The following EFCAB11 variants were observed in gnomAD, a reference collection of about 807,000 sequenced individuals.
EFCAB11 encodes the protein EF-hand calcium-binding domain-containing protein 11.
Under a neutral mutation model 23.0 loss-of-function variants are expected in EFCAB11, and 14 were observed. That is an observed-to-expected ratio of 0.61 (90% CI 0.40 to 0.95). The LOEUF is 0.95. Among genes scored for constraint, EFCAB11 ranks in the 40% least tolerant of loss-of-function variants. The pLI, the probability that EFCAB11 is intolerant of heterozygous loss-of-function variation, is 0.00. For missense variants in EFCAB11, 198 were observed against 195.8 expected, an observed-to-expected ratio of 1.01 and a Z score of -0.07; for synonymous variants, 65 against 66.6, an observed-to-expected ratio of 0.98 and a Z score of 0.11.
At chr14:89,861,602 C>T (rs1366150456) in intron 5 of EFCAB11, among the ~76,000 whole-genome samples, 1 of 152,110 alleles carries the variant, frequency 6.6e-6, no homozygotes, top group Non-Finnish European at 1.5e-5. Flanking sequence ...AAATGTGTCC[C>T]CCAAATTTCA....
At chr14:89,929,409 CAG>C (rs1476387565) in intron 5 of EFCAB11, among the ~76,000 whole-genome samples, 2 of 152,044 alleles carry the variant, frequency 1.3e-5, no homozygotes, top group Admixed American at 6.6e-5. Flanking sequence ...ATTTTTGAGA[CAG>C]AGTCTCACTC....
intron 5 of EFCAB11, among the ~76,000 whole-genome samples, chr14:89,819,686 C>T (rs1200145839): frequency 1.3e-5 from 2 of 152,278 alleles, no homozygotes; most frequent in East Asian, 3.9e-4. Flanking sequence ...ATCCTCCTGC[C>T]TTGATCTCCC....
chr14:89,869,261 T>C (rs1888193351), intron 5 of EFCAB11, among the ~76,000 whole-genome samples: 1 of 152,146 alleles, frequency 6.6e-6, no homozygotes, highest in Non-Finnish European at 1.5e-5. Context: ...CCTCACACTT[T>C]AAAAATGTTA....
At chr14:89,924,222 A>G (rs2281753) in intron 5 of EFCAB11, 128,995 of 987,754 alleles carry the variant, frequency 0.13, 9,829 homozygotes, top group South Asian at 0.31. Flanking sequence ...TAGATGTCCT[A>G]TGTCCTTTGA....
intron 3 of EFCAB11, among the ~76,000 whole-genome samples, chr14:89,943,707 G>A (rs1178555952): frequency 2.6e-5 from 4 of 152,204 alleles, no homozygotes; most frequent in Non-Finnish European, 4.4e-5. Flanking sequence ...AATTGGTTCA[G>A]TATTGAACAA....
intron 5 of EFCAB11, among the ~76,000 whole-genome samples, chr14:89,921,791 T>C (rs1398883294): frequency 6.6e-6 from 1 of 152,222 alleles, no homozygotes; most frequent in Admixed American, 6.5e-5. Context: ...AATCAAAACT[T>C]TGATGTAATT....
intron 5 of EFCAB11, among the ~76,000 whole-genome samples, chr14:89,843,430 T>C (rs186845683): frequency 6.6e-6 from 1 of 152,348 alleles, no homozygotes; most frequent in East Asian, 1.9e-4. Context: ...TAATAAATTA[T>C]AGCTAGATTC....
In EFCAB11 at chr14:89,953,838, G is replaced by T; in HGVS notation, c.171+68C>A. 3 of 1,334,398 alleles carry T rather than the reference G, an allele frequency of 2.2e-6. No homozygotes were observed. In the South Asian group the frequency reaches 3.7e-5, roughly 16 times the overall value. 82.7% of individuals were successfully genotyped at this position (1,334,398 alleles called of 1,614,324 possible). A position where few individuals can be genotyped will look rare whatever the true frequency, so the allele number is the denominator to read the frequency against. On this transcript the variant is annotated intron_variant, in intron 2 of 5. Transcript: ENST00000316738. ...TATAAACATCCTAAGCTAGCCCTGT[G>T]AACTTTTCTTAGGATCCATTCACCT...
rs778124647 is a variant in EFCAB11, at chr14:89,929,028, T to C, written c.410+2513A>G. On this transcript the variant is annotated intron_variant, in intron 5 of 5. Transcript: ENST00000316738. Reference sequence around the variant, plus strand: ...ATGGAAAGATGGACATATAAATACATACATATATATATATATACACACACA... The same window carrying C: ...ATGGAAAGATGGACATATAAATACACACATATATATATATATACACACACA... Among the ~76,000 whole-genome samples the C allele has an allele frequency of 4.9e-5, 6 of 122,170 alleles. 1 individual carries two copies. The Admixed American group carries it at 5.6e-4, about 11-fold the overall frequency. 80.1% of individuals were successfully genotyped at this position (122,170 alleles called of 152,430 possible). A position where few individuals can be genotyped will look rare whatever the true frequency, so the allele number is the denominator to read the frequency against.
chr14:89,909,986 T>C (rs1024789010), intron 5 of EFCAB11, among the ~76,000 whole-genome samples: 2 of 152,168 alleles, frequency 1.3e-5, no homozygotes, highest in African/African-American at 4.8e-5. Flanking sequence ...TTCTTCTCCA[T>C]AGTACTTTGT....
intron 5 of EFCAB11, among the ~76,000 whole-genome samples, chr14:89,916,218 A>G (rs990048128): frequency 1.3e-5 from 2 of 152,020 alleles, no homozygotes; most frequent in African/African-American, 4.8e-5. Flanking sequence ...GTCTATGAGA[A>G]GTACATCTAG....
In EFCAB11 at chr14:89,850,811, C is replaced by T. The variant is rs185434169; in HGVS notation, c.411-53487G>A. On this transcript the variant is annotated intron_variant, in intron 5 of 5. Coordinates refer to ENST00000316738, the MANE Select transcript of EFCAB11 (RefSeq NM_145231.4). ...AAGAGGAAGTTAATAGAGGATTTCA[C>T]GCTACATGGCCTCATTTATTATTAG... 1.1e-3 allele frequency among the ~76,000 whole-genome samples: 167 copies of T among 152,264 alleles called. 1 individual carries two copies. Among genetic ancestry groups the T allele is most frequent in the Non-Finnish European group, 3.5e-4 (24 of 68,024 alleles).
intron 5 of EFCAB11, chr14:89,924,395 T>C (rs11159939): frequency 0.11 from 128,193 of 1,206,278 alleles, 7,820 homozygotes; most frequent in South Asian, 0.24. Flanking sequence ...GGACGCTGGG[T>C]CAGGGCATGG....
chr14:89,802,540 C>T (rs986662199), intron 5 of EFCAB11, among the ~76,000 whole-genome samples: 3 of 152,060 alleles, frequency 2.0e-5, no homozygotes, highest in African/African-American at 4.8e-5. Context: ...TACAGGCATG[C>T]GCCACCAAGT....
At chr14:89,952,296 T>C (rs1271661967) in intron 2 of EFCAB11, 2 of 563,034 alleles carry the variant, frequency 3.6e-6, no homozygotes, top group East Asian at 2.9e-4. Flanking sequence ...ATGTACAGTA[T>C]GTTACATCAC....
At chr14:89,830,135 C>T (rs1886836055) in intron 5 of EFCAB11, 1 of 152,028 alleles carries the variant, frequency 6.6e-6, no homozygotes. Context: ...TACCTTATTC[C>T]CTACAAGTAG....
chr14:89,862,079 T>C (rs2140151739), intron 5 of EFCAB11, among the ~76,000 whole-genome samples: 1 of 152,300 alleles, frequency 6.6e-6, no homozygotes, highest in East Asian at 1.9e-4. Context: ...TCACACTCTC[T>C]TGCACTTGCT....
At chr14:89,835,910 G>A (rs1257844913) in intron 5 of EFCAB11, among the ~76,000 whole-genome samples, 1 of 151,188 alleles carries the variant, frequency 6.6e-6, no homozygotes, top group East Asian at 1.9e-4. Flanking sequence ...TTACAGGCGT[G>A]AGCCACTGCA....
At chr14:89,848,540 C>G (rs1452534962) in intron 5 of EFCAB11, 9 of 152,326 alleles carry the variant, frequency 5.9e-5, no homozygotes, top group Non-Finnish European at 1.0e-4. Flanking sequence ...CCCCCAAATC[C>G]TCTTAATTTG....
Sources: allele counts gnomAD v4.1 joint callset (sites outside exome capture counted in the v4.1 genomes callset), GRCh38; gene constraint gnomAD v4.1.1; transcripts MANE v1.5; gene names NCBI Gene and HGNC (gene_info 2026-07-23, HGNC 2026-07-21).